The following UMPS variants were observed in gnomAD, a reference collection of about 807,000 sequenced individuals.
The protein encoded by UMPS is uridine monophosphate synthetase, also known as uridine 5'-monophosphate synthase.
UMPS carries 21 observed loss-of-function variants against 38.9 expected under a neutral mutation model. The ratio of observed to expected loss-of-function variants is 0.54; its 90% CI spans 0.38 to 0.78. UMPS has a LOEUF of 0.78. Ranked by LOEUF, UMPS falls within the 30% of genes least tolerant of loss-of-function variation. The pLI is 0.00. For missense variants in UMPS, 533 were observed against 591.6 expected (o/e 0.90, Z 1.03); for synonymous variants, 208 against 219.3 (o/e 0.95, Z 0.45).
intron 2 of UMPS, among the ~76,000 whole-genome samples, chr3:124,735,756 C>T (rs2063513698): frequency 6.6e-6 from 1 of 151,584 alleles, no homozygotes; most frequent in South Asian, 2.1e-4. Flanking sequence ...GTAGGCGGAT[C>T]ACTTGAGGTC....
rs1306156948 is a variant in UMPS, at chr3:124,745,257, ATTCC to A, written c.*1177_*1180del. On this transcript the variant is annotated 3_prime_UTR_variant, in exon 6 of 6. Coordinates refer to ENST00000232607, the MANE Select transcript of UMPS (RefSeq NM_000373.4). ...GTGCTCATTGCACCAGCACACTCAC[ATTCC>A]TTCTCATTTGGGGCCCACCTGCAGG... 6.6e-6 allele frequency: 3 copies of A among 454,092 alleles called. No homozygotes were observed. The East Asian group carries it at 2.1e-4, about 32-fold the overall frequency. 28.1% of individuals were successfully genotyped at this position (454,092 alleles called of 1,614,324 possible).
At chr3:124,740,834 C>T (rs987844117) in intron 4 of UMPS, among the ~76,000 whole-genome samples, 2 of 151,974 alleles carry the variant, frequency 1.3e-5, no homozygotes, top group African/African-American at 2.4e-5. Flanking sequence ...CCTATAGTCC[C>T]AGCTGCTTGG....
At chr3:124,731,057 C>A (rs1035668802) in intron 1 of UMPS, among the ~76,000 whole-genome samples, 7 of 152,024 alleles carry the variant, frequency 4.6e-5, no homozygotes, top group African/African-American at 1.7e-4. Context: ...TGACGAGACC[C>A]CGTCTCTACA....
At chr3:124,742,004 C>T (rs1469076184) in intron 4 of UMPS, 148 bp from the exon 5 acceptor site, 1 of 691,962 alleles carries the variant, frequency 1.4e-6, no homozygotes, top group Non-Finnish European at 2.5e-6. Context: ...TCCCTTGAGC[C>T]CAGGGGTTCA....
chr3:124,745,065 G>A lies in UMPS; in HGVS notation c.*981G>A, dbSNP rs897060604. Reference sequence around the variant, plus strand: ...ACACAAGTGACAGCTTCCTGTGACTGACTTCACAATTAGGAGGTCTAAGAT... The same window carrying A: ...ACACAAGTGACAGCTTCCTGTGACTAACTTCACAATTAGGAGGTCTAAGAT... On this transcript the variant is annotated 3_prime_UTR_variant, in exon 6 of 6. Coordinates refer to ENST00000232607, the MANE Select transcript of UMPS (RefSeq NM_000373.4). The A allele has an allele frequency of 2.2e-6, 1 of 454,004 alleles. No homozygotes were observed. Among genetic ancestry groups the A allele is most frequent in the African/African-American group, 2.0e-5 (1 of 49,996 alleles). The allele number at this position is 454,004 out of a possible 1,614,324, so 28.1% of individuals were successfully genotyped here. A position where few individuals can be genotyped will look rare whatever the true frequency, so the allele number is the denominator to read the frequency against.
At chr3:124,731,002 G>A (rs2063471777) in intron 1 of UMPS, among the ~76,000 whole-genome samples, 1 of 152,176 alleles carries the variant, frequency 6.6e-6, no homozygotes, top group African/African-American at 2.4e-5. Flanking sequence ...GCCTAAGTGG[G>A]CAGATCACCT....
chr3:124,748,134 T>C lies in UMPS; in HGVS notation c.*4050T>C, dbSNP rs1428768443. 7.2e-6 allele frequency: 3 copies of C among 418,642 alleles called. No homozygotes were observed. The highest frequency in any genetic ancestry group is 7.1e-5 in the East Asian group (1 of 14,136). 25.9% of individuals were successfully genotyped at this position (418,642 alleles called of 1,614,324 possible). ...ATAGTATATATAAATAATACTATAT[T>C]GCCCAGGCTGGTCTCGAACTCCTTA... is the stretch of plus-strand genomic sequence containing the variant. On this transcript the variant is annotated 3_prime_UTR_variant, in exon 6 of 6. Transcript: ENST00000232607.
At chr3:124,742,070 T>G in intron 4 of UMPS, 82 bp from the exon 5 acceptor site, 3 of 1,133,858 alleles carry the variant, frequency 2.6e-6, no homozygotes, top group Non-Finnish European at 3.9e-6. Context: ...TTTTTAAGTT[T>G]TGAAAAAATA....
Position 124,740,187 on chromosome 3 carries a change from C to T in UMPS, c.1146C>T (p.Tyr382=), listed in dbSNP as rs537830992. 2.3e-5 allele frequency: 37 copies of T among 1,611,920 alleles called. 1 individual carries two copies. The South Asian group carries it at 3.8e-4, about 17-fold the overall frequency. The change falls in exon 4 of 6, where the codon TAC becomes TAT. Residue 382 remains tyrosine, a synonymous_variant. Transcript: ENST00000232607. The part of the protein sequence containing the change: ...SSTGSLATGD[Y]TRAAVRMAEE... Reference sequence around the variant, plus strand: ...CCGGCTCCCTGGCCACTGGGGACTACACTAGAGCAGCGGTAAGTGGTGGGG... The same window carrying T: ...CCGGCTCCCTGGCCACTGGGGACTATACTAGAGCAGCGGTAAGTGGTGGGG...
At position 124,745,049 on chromosome 3, in the gene UMPS, A is replaced by G. The variant is rs563764404; in HGVS notation, c.*965A>G. 11 of 454,148 alleles carry G rather than the reference A, an allele frequency of 2.4e-5. No homozygotes were observed. Among genetic ancestry groups the G allele is most frequent in the Admixed American group, 2.3e-4 (10 of 42,576 alleles). The allele number at this position is 454,148 out of a possible 1,614,324, so 28.1% of individuals were successfully genotyped here. Reference sequence around the variant, plus strand: ...TTATGGACCAGTAGTAACACAAGTGACAGCTTCCTGTGACTGACTTCACAA... The same window carrying G: ...TTATGGACCAGTAGTAACACAAGTGGCAGCTTCCTGTGACTGACTTCACAA... On this transcript the variant is annotated 3_prime_UTR_variant, in exon 6 of 6. Transcript: ENST00000232607.
In UMPS at chr3:124,745,296, A is replaced by C. The variant is rs1028763603; in HGVS notation, c.*1212A>C. 4 of 453,870 alleles carry C rather than the reference A, an allele frequency of 8.8e-6. No individual in the cohort carries two copies. In the East Asian group the frequency reaches 2.8e-4, roughly 32 times the overall value. 28.1% of individuals were successfully genotyped at this position (453,870 alleles called of 1,614,324 possible). ...GGGGCCCACCTGCAGGAAGTGGCAC[A>C]GGATCAGCCATTTCCCCACCCTTGT... is the stretch of plus-strand genomic sequence containing the variant. On this transcript the variant is annotated 3_prime_UTR_variant, in exon 6 of 6. Transcript: ENST00000232607.
rs532650030 is a variant in UMPS, at chr3:124,734,269, A to T, written c.157-824A>T. ...GTGACTGTTTGCTTTTTTAAAAAAA[A>T]AATGAGGTGGTCTTGGGTGGGAATA... On this transcript the variant is annotated intron_variant, in intron 1 of 5. Transcript: ENST00000232607. 2.6e-5 allele frequency among the ~76,000 whole-genome samples: 4 copies of T among 152,300 alleles called. No individual in the cohort carries two copies. The East Asian group carries it at 5.8e-4, about 22-fold the overall frequency.
rs1166836829 is a variant in UMPS at position 124,737,683 on chromosome 3, G to C, written c.426G>C (p.Glu142Asp). 2 of 1,614,080 alleles carry C rather than the reference G, an allele frequency of 1.2e-6. No homozygotes were observed. The highest frequency in any genetic ancestry group is 2.7e-5 in the African/African-American group (2 of 74,922). ...AAACTGTTGAGGTTCTTCAGAAGGA[G>C]GGCTTGAAGGTCACTGATGCCATAG... ...VLETVEVLQK[E>D]GLKVTDAIVL... Residue 142 changes from glutamate to aspartate, a missense_variant, in exon 3 of 6, where the codon GAG becomes GAC. Coordinates refer to ENST00000232607, the MANE Select transcript of UMPS (RefSeq NM_000373.4).
In UMPS at chr3:124,734,770, C is replaced by T. The variant is rs1028700223; in HGVS notation, c.157-323C>T. On this transcript the variant is annotated intron_variant, in intron 1 of 5. Coordinates refer to ENST00000232607, the MANE Select transcript of UMPS (RefSeq NM_000373.4). ...GCGCAGTGGCTCACGCCTGTAATCC[C>T]AGCACTTTGGGAGGCCGAGGCAGGT... Among the ~76,000 whole-genome samples the T allele has an allele frequency of 3.7e-4, 57 of 152,152 alleles. 1 individual carries two copies. The highest frequency in any genetic ancestry group is 6.9e-4 in the Non-Finnish European group (47 of 68,040).
Position 124,748,604 on chromosome 3 carries a change from C to A in UMPS, c.*4520C>A, listed in dbSNP as rs1000219177. The A allele has an allele frequency of 2.2e-6, 1 of 454,020 alleles. No individual in the cohort carries two copies. Among genetic ancestry groups the A allele is most frequent in the East Asian group, 6.9e-5 (1 of 14,394 alleles). The allele number at this position is 454,020 out of a possible 1,614,324, so 28.1% of individuals were successfully genotyped here. Reference sequence around the variant, plus strand: ...AGTCAGATCCTGGTGTGGGCTCTCACGTGCTGCTGCTGAATCCCAGGGAAG... The same window carrying A: ...AGTCAGATCCTGGTGTGGGCTCTCAAGTGCTGCTGCTGAATCCCAGGGAAG... On this transcript the variant is annotated 3_prime_UTR_variant, in exon 6 of 6. Transcript: ENST00000232607.
intron 3 of UMPS, 79 bp from the exon 4 acceptor site, chr3:124,739,945 T>G: frequency 1.5e-6 from 2 of 1,329,168 alleles, no homozygotes; most frequent in Non-Finnish European, 2.2e-6. Flanking sequence ...TTATTTCATA[T>G]TGTAGTTGGT....
rs1323131413 is a variant in UMPS at position 124,737,743 on chromosome 3, G to T, written c.486G>T (p.Lys162Asn). ...LLDREQGGKD[K>N]LQAHGIRLHS... is the part of the protein sequence containing the mutation. ...ACAGAGAGCAGGGAGGCAAGGACAA[G>T]TTGCAGGCGCACGGGATCCGCCTCC... The change falls in exon 3 of 6, where the codon AAG becomes AAT. Residue 162 changes from lysine (K) to asparagine (N), a missense_variant. Lys to Asn is a moderately conservative substitution (Grantham distance 94, BLOSUM62 0). Coordinates refer to ENST00000232607, the MANE Select transcript of UMPS (RefSeq NM_000373.4). The T allele has an allele frequency of 1.2e-6, 2 of 1,614,208 alleles. No homozygotes were observed. The highest frequency in any genetic ancestry group is 1.7e-6 in the Non-Finnish European group (2 of 1,180,042).
rs1474478558 is a variant in UMPS, at chr3:124,746,335, C to T, written c.*2251C>T. The T allele has an allele frequency of 4.4e-6, 2 of 454,128 alleles. No homozygotes were observed. The highest frequency in any genetic ancestry group is 3.1e-5 in the South Asian group (2 of 64,480). 28.1% of individuals were successfully genotyped at this position (454,128 alleles called of 1,614,324 possible). A position where few individuals can be genotyped will look rare whatever the true frequency, so the allele number is the denominator to read the frequency against. ...TCTGCGTTAGCAGATTTGTGGTTTG[C>T]CCAGCAGCCTGGGCGTGTGCATTTC... On this transcript the variant is annotated 3_prime_UTR_variant, in exon 6 of 6. Coordinates refer to ENST00000232607, the MANE Select transcript of UMPS (RefSeq NM_000373.4).
chr3:124,744,112 A>G lies in UMPS; in HGVS notation c.*28A>G, dbSNP rs3772810. On this transcript the variant is annotated 3_prime_UTR_variant, in exon 6 of 6. Transcript: ENST00000232607. The stretch of plus-strand genomic sequence containing the variant: ...GCTTCAGATACATTTTTCAGATACA[A>G]TGTGAAGACATTGAAGATATGTGGT... The G allele has an allele frequency of 0.016, 25,073 of 1,612,548 alleles. 362 individuals are homozygous for G. Among genetic ancestry groups the G allele is most frequent in the East Asian group, 0.061 (2,732 of 44,834 alleles).
Sources: allele counts gnomAD v4.1 joint callset (sites outside exome capture counted in the v4.1 genomes callset), GRCh38; gene constraint gnomAD v4.1.1; transcripts MANE v1.5; gene names NCBI Gene and HGNC (gene_info 2026-07-23, HGNC 2026-07-21).